The following MSI2 variants were observed in gnomAD, a reference collection of about 807,000 sequenced individuals.
MSI2 encodes musashi RNA binding protein 2.
MSI2 carries 17 observed loss-of-function variants against 45.6 expected under a neutral mutation model. The ratio of observed to expected loss-of-function variants is 0.37; its 90% confidence interval spans 0.26 to 0.56. The LOEUF (loss-of-function observed/expected upper bound fraction) is 0.56, where lower values mean the gene tolerates loss of function less well. Ranked by LOEUF, MSI2 falls within the 20% of genes least tolerant of loss-of-function variation. The pLI is 0.77. For missense variants in MSI2, 293 were observed against 444.2 expected, an observed-to-expected ratio of 0.66 and a Z score of 3.06; for synonymous variants, 156 against 158.2, an observed-to-expected ratio of 0.99 and a Z score of 0.11.
At chr17:57,299,035 C>T (rs2143524747) in intron 5 of MSI2, among the ~76,000 whole-genome samples, 1 of 152,346 alleles carries the variant, frequency 6.6e-6, no homozygotes, top group South Asian at 2.1e-4. Context: ...TATTACTTTG[C>T]ACTTTTATGT....
intron 5 of MSI2, among the ~76,000 whole-genome samples, chr17:57,287,083 T>C (rs946116631): frequency 1.3e-5 from 2 of 151,526 alleles, no homozygotes; most frequent in African/African-American, 4.8e-5. Flanking sequence ...TTTTGCTCCA[T>C]ATTTATCATC....
chr17:57,499,694 G>T (rs1039236287), intron 6 of MSI2, among the ~76,000 whole-genome samples: 3 of 152,202 alleles, frequency 2.0e-5, no homozygotes, highest in African/African-American at 7.2e-5. Context: ...CAACTGAGTG[G>T]TTCAGGCTGG....
At chr17:57,556,891 T>C (rs1269850813) in intron 7 of MSI2, among the ~76,000 whole-genome samples, 1 of 152,204 alleles carries the variant, frequency 6.6e-6, no homozygotes, top group Non-Finnish European at 1.5e-5. Flanking sequence ...CAAATTAATA[T>C]ATGTATAATG....
chr17:57,394,301 C>G (rs556235499), intron 5 of MSI2, among the ~76,000 whole-genome samples: 3 of 152,110 alleles, frequency 2.0e-5, no homozygotes, highest in African/African-American at 7.2e-5. Flanking sequence ...TCACTCCATA[C>G]GCTGTTTGAT....
At chr17:57,492,620 T>TA (rs1291404825) in intron 6 of MSI2, among the ~76,000 whole-genome samples, 1 of 151,846 alleles carries the variant, frequency 6.6e-6, no homozygotes, top group Non-Finnish European at 1.5e-5. Context: ...TTGTTTTGTT[T>TA]TTTTTTGAGA....
intron 11 of MSI2, among the ~76,000 whole-genome samples, chr17:57,658,632 G>C (rs923111895): frequency 6.6e-6 from 1 of 152,228 alleles, no homozygotes; most frequent in Non-Finnish European, 1.5e-5. Flanking sequence ...ATCAACTCTA[G>C]TGCAATTAGT....
At chr17:57,650,234 C>G (rs936670209) in intron 10 of MSI2, among the ~76,000 whole-genome samples, 1 of 151,852 alleles carries the variant, frequency 6.6e-6, no homozygotes, top group Non-Finnish European at 1.5e-5. Context: ...TCCCCCAAGT[C>G]TTTCCGTGCT....
At chr17:57,667,255 CAATT>C (rs1172848738) in intron 11 of MSI2, among the ~76,000 whole-genome samples, 1 of 152,114 alleles carries the variant, frequency 6.6e-6, no homozygotes, top group Non-Finnish European at 1.5e-5. Flanking sequence ...AGTCTGAAGC[CAATT>C]AATTTAAGGA....
At chr17:57,298,490 C>T (rs1282152007) in intron 5 of MSI2, among the ~76,000 whole-genome samples, 1 of 152,144 alleles carries the variant, frequency 6.6e-6, no homozygotes, top group African/African-American at 2.4e-5. Context: ...AGTTTGAGAC[C>T]AGCCTGGCCA....
chr17:57,481,125 T>C (rs761892453), intron 6 of MSI2, among the ~76,000 whole-genome samples: 14 of 152,332 alleles, frequency 9.2e-5, no homozygotes, highest in Middle Eastern at 3.4e-3. Flanking sequence ...TGTTAACCAT[T>C]GTGGGTGCAA....
rs1353852409 is a variant in MSI2, at chr17:57,396,410, A to AC, written c.313-4968dup. 7.3e-5 allele frequency among the ~76,000 whole-genome samples: 4 copies of AC among 55,126 alleles called. No individual in the cohort carries two copies. The South Asian group carries it at 2.4e-3, about 33-fold the overall frequency. The allele number at this position is 55,126 out of a possible 152,430, so 36.2% of individuals were successfully genotyped here. On this transcript the variant is annotated intron_variant, in intron 5 of 13. Coordinates refer to ENST00000284073, the MANE Select transcript of MSI2 (RefSeq NM_138962.4). ...CACACACAAAACACACACAGCACAC[A>AC]CACCACACACACACACACACACACA...
intron 7 of MSI2, among the ~76,000 whole-genome samples, chr17:57,571,967 A>G (rs2087890060): frequency 6.6e-6 from 1 of 151,914 alleles, no homozygotes; most frequent in Admixed American, 6.6e-5. Context: ...AGTTCTCCAG[A>G]CCCCTAAGGA....
At chr17:57,283,168 C>T (rs939244164) in intron 5 of MSI2, among the ~76,000 whole-genome samples, 2 of 152,044 alleles carry the variant, frequency 1.3e-5, no homozygotes, top group Non-Finnish European at 2.9e-5. Context: ...TGCCTCCTCT[C>T]CACTCCCTTT....
chr17:57,315,638 T>A (rs974092496), intron 5 of MSI2, among the ~76,000 whole-genome samples: 1 of 152,172 alleles, frequency 6.6e-6, no homozygotes, highest in African/African-American at 2.4e-5. Context: ...AAAGGTGATC[T>A]AGAGCAAACA....
chr17:57,608,919 G>C (rs1158427398), intron 8 of MSI2, among the ~76,000 whole-genome samples: 5 of 152,186 alleles, frequency 3.3e-5, no homozygotes, highest in Non-Finnish European at 7.3e-5. Context: ...ATTGGCAGAG[G>C]GGGCAGGAGA....
intron 5 of MSI2, among the ~76,000 whole-genome samples, chr17:57,304,198 A>G (rs1911667376): frequency 6.6e-6 from 1 of 151,756 alleles, no homozygotes; most frequent in African/African-American, 2.4e-5. Context: ...CTCTACTAAA[A>G]ATACAAAAAA....
At chr17:57,502,749 T>C (rs1260239336) in intron 6 of MSI2, among the ~76,000 whole-genome samples, 3 of 151,218 alleles carry the variant, frequency 2.0e-5, no homozygotes, top group South Asian at 4.2e-4. Context: ...TGCGTGTTTG[T>C]GCACAGAGGC....
chr17:57,309,068 T>C (rs1278553664), intron 5 of MSI2, among the ~76,000 whole-genome samples: 1 of 152,230 alleles, frequency 6.6e-6, no homozygotes, highest in Non-Finnish European at 1.5e-5. Flanking sequence ...TCCTACAGGC[T>C]ACAACTGAGT....
intron 5 of MSI2, among the ~76,000 whole-genome samples, chr17:57,330,936 C>A (rs1914207924): frequency 6.9e-6 from 1 of 145,720 alleles, no homozygotes; most frequent in Non-Finnish European, 1.5e-5. Context: ...GTGACGGAGT[C>A]TCACTCTGTA....
Sources: allele counts gnomAD v4.1 joint callset (sites outside exome capture counted in the v4.1 genomes callset), GRCh38; gene constraint gnomAD v4.1.1; transcripts MANE v1.5; gene names NCBI Gene and HGNC (gene_info 2026-07-23, HGNC 2026-07-21).